The following SLC25A13 variants were observed in gnomAD, a reference collection of about 807,000 sequenced individuals.
SLC25A13 encodes the protein solute carrier family 25 member 13, also known as electrogenic aspartate/glutamate antiporter SLC25A13, mitochondrial.
In SLC25A13, 70 loss-of-function variants were observed where a neutral mutation model predicts 85.5. The observed-to-expected ratio is 0.82, with a 90% confidence interval of 0.68 to 1.00. The LOEUF (loss-of-function observed/expected upper bound fraction) is 1.00. Ranked by LOEUF, SLC25A13 falls within the 50% of genes least tolerant of loss-of-function variation. The pLI, the probability that SLC25A13 is intolerant of heterozygous loss-of-function variation, is 0.00. For missense variants in SLC25A13, 765 were observed against 819.8 expected (o/e 0.93, Z 0.82); for synonymous variants, 259 against 288.7 (o/e 0.90, Z 1.04).
chr7:96,317,770 CTATTT>C (rs995017266), intron 1 of SLC25A13, among the ~76,000 whole-genome samples: 29 of 149,664 alleles, frequency 1.9e-4, no homozygotes, highest in South Asian at 8.5e-4. Context: ...TTATTTTATT[CTATTT>C]TATTTTATTT....
At chr7:96,183,374 T>C (rs567709477) in intron 11 of SLC25A13, among the ~76,000 whole-genome samples, 2 of 152,254 alleles carry the variant, frequency 1.3e-5, no homozygotes, top group South Asian at 2.1e-4. Flanking sequence ...CAGGTTTCCA[T>C]GTCTGCCAGT....
In SLC25A13 at chr7:96,290,651, T is replaced by C. The variant is rs1239125968; in HGVS notation, c.69+6247A>G. 6.6e-5 allele frequency among the ~76,000 whole-genome samples: 10 copies of C among 150,966 alleles called. 1 individual carries two copies. The highest frequency in any genetic ancestry group is 1.9e-4 in the African/African-American group (8 of 41,176). On this transcript the variant is annotated intron_variant, in intron 2 of 17. Coordinates refer to ENST00000265631, the MANE Select transcript of SLC25A13 (RefSeq NM_014251.3). ...ATCTTAGTCTCTGATAAAACAGACT[T>C]TAAACCAACAAAGATCAAAAAAGAC...
In SLC25A13 at chr7:96,288,634, G is replaced by A. The variant is rs897957576; in HGVS notation, c.69+8264C>T. On this transcript the variant is annotated intron_variant, in intron 2 of 17. Transcript: ENST00000265631. ...ACCAGGAGAATATATCCTGCGCCTC[G>A]CTCGGAGGGTCCCACGCCCACGGAG... 3.3e-5 allele frequency among the ~76,000 whole-genome samples: 5 copies of A among 152,298 alleles called. No homozygotes were observed. In the East Asian group the frequency reaches 7.7e-4, roughly 24 times the overall value.
chr7:96,305,824 T>C (rs1799723584), intron 1 of SLC25A13, among the ~76,000 whole-genome samples: 1 of 152,172 alleles, frequency 6.6e-6, no homozygotes, highest in Non-Finnish European at 1.5e-5. Context: ...TTCCATTAAA[T>C]ATGCCTTACC....
chr7:96,239,391 T>C (rs1320488524), intron 3 of SLC25A13, among the ~76,000 whole-genome samples: 2 of 151,008 alleles, frequency 1.3e-5, no homozygotes, highest in Non-Finnish European at 2.9e-5. Context: ...TATACATATA[T>C]ATATATAGAC....
At position 96,121,094 on chromosome 7, in the gene SLC25A13, T is replaced by C; in HGVS notation, c.*97A>G. On this transcript the variant is annotated 3_prime_UTR_variant, in exon 18 of 18. Coordinates refer to ENST00000265631, the MANE Select transcript of SLC25A13 (RefSeq NM_014251.3). ...CCTGGACTTGAATTTAAACAAGAGA[T>C]GGACGTAAAAGGGATGAAGCATTGC... is the stretch of plus-strand genomic sequence containing the variant. 5 of 1,317,414 alleles carry C rather than the reference T, an allele frequency of 3.8e-6. No individual in the cohort carries two copies. Among genetic ancestry groups the C allele is most frequent in the Non-Finnish European group, 5.5e-6 (5 of 914,222 alleles). The allele number at this position is 1,317,414 out of a possible 1,614,324, so 81.6% of individuals were successfully genotyped here. A position where few individuals can be genotyped will look rare whatever the true frequency, so the allele number is the denominator to read the frequency against.
At position 96,234,895 on chromosome 7, in the gene SLC25A13, C is replaced by T. The variant is rs754907957; in HGVS notation, c.235G>A (p.Val79Ile). The T allele has an allele frequency of 1.2e-6, 2 of 1,613,494 alleles. No homozygotes were observed. The highest frequency in any genetic ancestry group is 8.5e-7 in the Non-Finnish European group (1 of 1,179,656). ...GCACACAGGACAGATTCAAAGGCAA[C>T]AAATTCTTGAAAAGATATTAATCTG... ...KDGLISFQEF[V>I]AFESVLCAPD... The change falls in exon 4 of 18, where the codon GTT becomes ATT. Residue 79 changes from valine to isoleucine, a missense_variant. By Grantham distance (29) the Val-to-Ile change is conservative (BLOSUM62 3). Coordinates refer to ENST00000265631, the MANE Select transcript of SLC25A13 (RefSeq NM_014251.3).
chr7:96,247,027 A>T (rs1797216773), intron 3 of SLC25A13, among the ~76,000 whole-genome samples: 2 of 152,230 alleles, frequency 1.3e-5, no homozygotes. Flanking sequence ...TACTTCTATT[A>T]TGACCATACA....
chr7:96,134,051 A>G (rs1303485901), intron 14 of SLC25A13, among the ~76,000 whole-genome samples: 3 of 145,756 alleles, frequency 2.1e-5, no homozygotes, highest in Non-Finnish European at 4.5e-5. Flanking sequence ...ATGGAGTTTC[A>G]CTTTGTTGCC....
chr7:96,278,127 A>C (rs1169654453), intron 2 of SLC25A13, among the ~76,000 whole-genome samples: 2 of 152,206 alleles, frequency 1.3e-5, no homozygotes, highest in African/African-American at 4.8e-5. Flanking sequence ...AGAGCCCATT[A>C]ATTTCTGTTG....
At chr7:96,210,067 C>T (rs548732215) in intron 4 of SLC25A13, among the ~76,000 whole-genome samples, 3 of 152,228 alleles carry the variant, frequency 2.0e-5, no homozygotes, top group Admixed American at 1.3e-4. Context: ...TGCTCCCACC[C>T]CCATTATACC....
intron 4 of SLC25A13, among the ~76,000 whole-genome samples, chr7:96,218,645 A>G (rs1206204112): frequency 6.6e-6 from 1 of 152,220 alleles, no homozygotes; most frequent in African/African-American, 2.4e-5. Flanking sequence ...TTCTCATTAA[A>G]ATAAAAAAGA....
chr7:96,221,977 T>G (rs1443430184), intron 4 of SLC25A13, among the ~76,000 whole-genome samples: 1 of 152,198 alleles, frequency 6.6e-6, no homozygotes, highest in Non-Finnish European at 1.5e-5. Flanking sequence ...GTGGGTTTTG[T>G]TTAGTGGGAG....
At chr7:96,146,850 CA>C (rs1209253044) in intron 13 of SLC25A13, among the ~76,000 whole-genome samples, 154 bp from the exon 14 acceptor site, 2 of 152,116 alleles carry the variant, frequency 1.3e-5, no homozygotes, top group African/African-American at 2.4e-5. Context: ...TTAGGGATTA[CA>C]AGTATGAATC....
chr7:96,256,090 AG>A (rs779408861), intron 3 of SLC25A13, among the ~76,000 whole-genome samples: 27 of 152,172 alleles, frequency 1.8e-4, no homozygotes, highest in Admixed American at 1.0e-3. Flanking sequence ...AAATATAGAA[AG>A]GAAAAACTGG....
intron 13 of SLC25A13, among the ~76,000 whole-genome samples, chr7:96,157,395 TCTC>T (rs1793323319): frequency 6.6e-6 from 1 of 152,198 alleles, no homozygotes; most frequent in African/African-American, 2.4e-5. Context: ...GATTTCTTCT[TCTC>T]CTCCTTACGG....
At chr7:96,227,146 T>C (rs1404129889) in intron 4 of SLC25A13, among the ~76,000 whole-genome samples, 1 of 152,240 alleles carries the variant, frequency 6.6e-6, no homozygotes, top group Non-Finnish European at 1.5e-5. Flanking sequence ...CACTGATTCA[T>C]CCTTGGCAGT....
chr7:96,144,794 T>C (rs926939037), intron 14 of SLC25A13, among the ~76,000 whole-genome samples: 1 of 152,180 alleles, frequency 6.6e-6, no homozygotes, highest in Non-Finnish European at 1.5e-5. Context: ...CCCAGTATTG[T>C]ATCATTTGCA....
At chr7:96,306,205 T>G (rs1188662860) in intron 1 of SLC25A13, among the ~76,000 whole-genome samples, 1 of 152,208 alleles carries the variant, frequency 6.6e-6, no homozygotes. Context: ...TATGTGACAC[T>G]GTCCTTCAGA....
Sources: gnomAD v4.1 joint callset for allele counts (sites outside exome capture counted in the v4.1 genomes callset) on GRCh38, gnomAD v4.1.1 for gene constraint, MANE v1.5 for transcripts, NCBI Gene and HGNC (gene_info 2026-07-23, HGNC 2026-07-21) for gene names.